CYTH1: variants seen among roughly 807,000 people sequenced by gnomAD.
CYTH1 encodes cytohesin 1.
Under a neutral mutation model 61.8 loss-of-function variants are expected in CYTH1, and 18 were observed. The ratio of observed to expected loss-of-function variants is 0.29; its 90% CI spans 0.20 to 0.43. CYTH1 has a LOEUF of 0.43. Among genes scored for constraint, CYTH1 ranks in the 20% least tolerant of loss-of-function variants. CYTH1 has a pLI of 1.00. For synonymous variants in CYTH1, 174 were observed against 184.3 expected (o/e 0.94, Z 0.45); for missense variants, 336 against 510.5 (o/e 0.66, Z 3.29).
chr17:78,686,229 T>C (rs1280767926), intron 11 of CYTH1, among the ~76,000 whole-genome samples: 3 of 152,246 alleles, frequency 2.0e-5, no homozygotes, highest in African/African-American at 7.2e-5. Flanking sequence ...ATTATATTTA[T>C]AGGACATGAT....
chr17:78,708,035 TGAAGGATG>T (rs1255762736), intron 3 of CYTH1, among the ~76,000 whole-genome samples, 154 bp downstream of exon 3: 1 of 152,144 alleles, frequency 6.6e-6, no homozygotes, highest in Non-Finnish European at 1.5e-5. Context: ...GGCCTTGCGG[TGAAGGATG>T]GAAGGCAGAC....
intron 1 of CYTH1, among the ~76,000 whole-genome samples, chr17:78,730,986 A>G (rs1249820309): frequency 6.6e-6 from 1 of 152,180 alleles, no homozygotes; most frequent in African/African-American, 2.4e-5. Context: ...CTTAAGGAAG[A>G]AGTGAATGTG....
intron 1 of CYTH1, 60 bp downstream of exon 1, chr17:78,782,142 G>C (rs931807695): frequency 8.0e-6 from 10 of 1,253,656 alleles, no homozygotes; most frequent in Non-Finnish European, 1.0e-5. Context: ...CCGGACGGCC[G>C]GGCCCGGAGG....
chr17:78,702,553 A>G lies in CYTH1; in HGVS notation c.222T>C (p.Asn74=). Reference sequence around the variant, plus strand: ...TCTCACTTACCTTTTTAGGGTCCATATTAAATTTTTTCCTGCCCATGGCTA... The same window carrying G: ...TCTCACTTACCTTTTTAGGGTCCATGTTAAATTTTTTCCTGCCCATGGCTA... ...KQVAMGRKKF[N]MDPKKGIQFL... Residue 74 remains asparagine, a synonymous_variant, in exon 4 of 14, where the codon AAT becomes AAC. Coordinates refer to ENST00000446868, the MANE Select transcript of CYTH1 (RefSeq NM_004762.6). 1 of 1,614,100 alleles carries G rather than the reference A, an allele frequency of 6.2e-7. No homozygotes were observed. The highest frequency in any genetic ancestry group is 8.5e-7 in the Non-Finnish European group (1 of 1,180,028).
chr17:78,778,904 C>G lies in CYTH1; in HGVS notation c.22+3298G>C, dbSNP rs559169895. On this transcript the variant is annotated intron_variant, in intron 1 of 13. Transcript: ENST00000446868. ...CACATTTCCTTTTACAATGTGGGAT[C>G]TGGTCAAGGTAAATTCTCTGTGAAA... Among the ~76,000 whole-genome samples the G allele has an allele frequency of 1.1e-4, 16 of 152,282 alleles. No homozygotes were observed. In the South Asian group the frequency reaches 3.3e-3, roughly 32 times the overall value.
At chr17:78,726,200 C>G (rs949386312) in intron 1 of CYTH1, among the ~76,000 whole-genome samples, 4 of 152,052 alleles carry the variant, frequency 2.6e-5, no homozygotes, top group Non-Finnish European at 4.4e-5. Context: ...CCCGCTACCA[C>G]GCCTGGCTAA....
rs746669176 is a variant in CYTH1, at chr17:78,698,276, C to T, written c.804G>A (p.Leu268=). Residue 268 remains leucine (L), a synonymous_variant, in exon 9 of 14, where the codon TTG becomes TTA. Coordinates refer to ENST00000446868, the MANE Select transcript of CYTH1 (RefSeq NM_004762.6). Reference sequence around the variant, plus strand: ...ACTCAGAGGTGCGCTTACCGAGTTTCAATAGCCAGCCTTCTCGGTCTGGAT... The same window carrying T: ...ACTCAGAGGTGCGCTTACCGAGTTTTAATAGCCAGCCTTCTCGGTCTGGAT... ...FFNPDREGWL[L]KLGGGRVKTW... The T allele has an allele frequency of 2.5e-6, 4 of 1,613,424 alleles. No individual in the cohort carries two copies. Among genetic ancestry groups the T allele is most frequent in the Admixed American group, 3.3e-5 (2 of 59,830 alleles).
intron 13 of CYTH1, chr17:78,677,594 C>T (rs947282422): frequency 6.5e-6 from 1 of 154,462 alleles, no homozygotes; most frequent in African/African-American, 2.4e-5. Context: ...CCTCTGGGTA[C>T]AGCGTGAAGA....
intron 1 of CYTH1, among the ~76,000 whole-genome samples, chr17:78,711,908 TCTA>T (rs2093136537): frequency 1.3e-5 from 2 of 151,664 alleles, no homozygotes; most frequent in Non-Finnish European, 2.9e-5. Flanking sequence ...AAACCCTGTC[TCTA>T]CTAAAAAAAA....
In CYTH1 at chr17:78,674,508, C is replaced by A. The variant is rs2092675690; in HGVS notation, c.*1583G>T. ...CCATTCCCTCCAGGTAGGATCTACACAAAGTGGCGGGGAGGGAGGTGACAG... is the reference window on the plus strand; with the variant it reads ...CCATTCCCTCCAGGTAGGATCTACAAAAAGTGGCGGGGAGGGAGGTGACAG... On this transcript the variant is annotated 3_prime_UTR_variant, in exon 14 of 14. Transcript: ENST00000446868. 1 of 152,290 alleles carries A rather than the reference C, an allele frequency of 6.6e-6. No individual in the cohort carries two copies. Among genetic ancestry groups the A allele is most frequent in the Admixed American group, 6.5e-5 (1 of 15,282 alleles). 9.4% of individuals were successfully genotyped at this position (152,290 alleles called of 1,614,324 possible).
intron 1 of CYTH1, among the ~76,000 whole-genome samples, chr17:78,735,079 C>T (rs1411848882): frequency 2.0e-5 from 3 of 152,194 alleles, no homozygotes; most frequent in Non-Finnish European, 4.4e-5. Flanking sequence ...GGTGACAACA[C>T]AAGGAAATAC....
chr17:78,763,544 T>C (rs2144725978), intron 1 of CYTH1, among the ~76,000 whole-genome samples: 1 of 152,140 alleles, frequency 6.6e-6, no homozygotes, highest in South Asian at 2.1e-4. Context: ...TACATACCTA[T>C]GATAAAATTT....
chr17:78,676,167 G>A lies in CYTH1; in HGVS notation c.1121C>T (p.Ala374Val). The A allele has an allele frequency of 6.2e-7, 1 of 1,607,114 alleles. No individual in the cohort carries two copies. Among genetic ancestry groups the A allele is most frequent in the South Asian group, 1.1e-5 (1 of 89,438 alleles). Residue 374 changes from alanine to valine, a missense_variant and splice_region_variant, in exon 14 of 14, where the codon GCA (alanine) becomes GTA (valine). This residue lies in a region of CYTH1 where 83 missense variants were observed against 115.6 expected (regional missense o/e 0.72). Transcript: ENST00000446868. ...EKEEWIKCIK[A>V]AISRDPFYEM... is the part of the protein sequence containing the mutation. ...GTAGAAAGGGTCCCTGCTGATGGCTGCTCTGGAGCACAGAAAAGGGAGAAA... is the reference window on the plus strand; with the variant it reads ...GTAGAAAGGGTCCCTGCTGATGGCTACTCTGGAGCACAGAAAAGGGAGAAA...
intron 9 of CYTH1, 54 bp downstream of exon 9, chr17:78,698,215 C>A (rs964442519): frequency 2.1e-6 from 3 of 1,443,004 alleles, no homozygotes; most frequent in East Asian, 2.3e-5. Context: ...GCACACACAC[C>A]GCCTTTCTTC....
At chr17:78,745,163 C>T (rs984935494) in intron 1 of CYTH1, among the ~76,000 whole-genome samples, 2 of 152,032 alleles carry the variant, frequency 1.3e-5, no homozygotes, top group East Asian at 1.9e-4. Flanking sequence ...TCCTGTGCAC[C>T]GTGGAGCCTG....
chr17:78,676,237 G>A, intron 13 of CYTH1, 68 bp from the exon 14 acceptor site: 1 of 1,503,256 alleles, frequency 6.7e-7, no homozygotes, highest in Non-Finnish European at 9.0e-7. Flanking sequence ...ACCCAGGCAG[G>A]GGATTCTCAG....
chr17:78,676,071 C>G lies in CYTH1; in HGVS notation c.*20G>C. 1 of 1,598,222 alleles carries G rather than the reference C, an allele frequency of 6.3e-7. No homozygotes were observed. The highest frequency in any genetic ancestry group is 8.5e-7 in the Non-Finnish European group (1 of 1,172,436). ...CAGGAGCTCCAAGGCCCCCGCAGAC[C>G]AACGCCCTTGGCTGCACGCTCAGTG... On this transcript the variant is annotated 3_prime_UTR_variant, in exon 14 of 14. Coordinates refer to ENST00000446868, the MANE Select transcript of CYTH1 (RefSeq NM_004762.6).
At chr17:78,766,828 G>A (rs1287736790) in intron 1 of CYTH1, among the ~76,000 whole-genome samples, 1 of 152,120 alleles carries the variant, frequency 6.6e-6, no homozygotes, top group African/African-American at 2.4e-5. Flanking sequence ...GAAGAGGGGG[G>A]TGTGAATGAG....
At position 78,701,181 on chromosome 17, in the gene CYTH1, T is replaced by A. The variant is rs962744683; in HGVS notation, c.437+490A>T. Among the ~76,000 whole-genome samples, 2 of 151,314 alleles carry A rather than the reference T, an allele frequency of 1.3e-5. 1 individual carries two copies. Among genetic ancestry groups the A allele is most frequent in the South Asian group, 4.1e-4 (2 of 4,826 alleles). On this transcript the variant is annotated intron_variant, in intron 6 of 13. Coordinates refer to ENST00000446868, the MANE Select transcript of CYTH1 (RefSeq NM_004762.6). The stretch of plus-strand genomic sequence containing the variant: ...AAAGACCCACAGCTGACAGGTTTAA[T>A]TGTGGATTGTTTCCATCCAGCTAAA...
Sources: allele counts gnomAD v4.1 joint callset (sites outside exome capture counted in the v4.1 genomes callset), GRCh38; gene constraint gnomAD v4.1.1; regional missense constraint gnomAD v4.1.1; transcripts MANE v1.5; gene names NCBI Gene and HGNC (gene_info 2026-07-23, HGNC 2026-07-21).